Variants in ADAMTS18 observed in about 807,000 individuals in gnomAD.
ADAMTS18 encodes the protein ADAM metallopeptidase with thrombospondin type 1 motif 18.
Under a neutral mutation model 165.9 loss-of-function variants are expected in ADAMTS18, and 157 were observed. The ratio of observed to expected loss-of-function variants is 0.95; its 90% CI spans 0.83 to 1.08. ADAMTS18 has a LOEUF of 1.08. Among genes scored for constraint, ADAMTS18 ranks in the 50% least tolerant of loss-of-function variants. The pLI is 0.00. For missense variants in ADAMTS18, 2,040 were observed against 1,534.0 expected (o/e 1.33, Z -5.51); for synonymous variants, 782 against 578.2 (o/e 1.35, Z -5.06).
intron 9 of ADAMTS18, among the ~76,000 whole-genome samples, chr16:77,355,355 T>A (rs1328472999): frequency 4.6e-5 from 7 of 152,198 alleles, no homozygotes; most frequent in African/African-American, 1.7e-4. Flanking sequence ...GCTACCATCT[T>A]CTTTGGCTAT....
intron 12 of ADAMTS18, among the ~76,000 whole-genome samples, chr16:77,328,483 C>G (rs1216834769): frequency 6.6e-6 from 1 of 152,128 alleles, no homozygotes; most frequent in Non-Finnish European, 1.5e-5. Flanking sequence ...AAAATGGATT[C>G]AACAGAAACG....
At position 77,355,900 on chromosome 16, in the gene ADAMTS18, C is replaced by T. The variant is rs766086387; in HGVS notation, c.1460+40G>A. 1.9e-6 allele frequency: 3 copies of T among 1,613,376 alleles called. No homozygotes were observed. The East Asian group carries it at 6.7e-5, about 36-fold the overall frequency. On this transcript the variant is annotated intron_variant, in intron 9 of 22. Transcript: ENST00000282849. ...TCTATGGAGCACAATTCTGTCATCACTCCAAACCTAGGAGCACCCCAGGAT... is the reference window on the plus strand; with the variant it reads ...TCTATGGAGCACAATTCTGTCATCATTCCAAACCTAGGAGCACCCCAGGAT...
chr16:77,365,014 G>A (rs1454832092), intron 4 of ADAMTS18, among the ~76,000 whole-genome samples: 1 of 152,100 alleles, frequency 6.6e-6, no homozygotes, highest in Non-Finnish European at 1.5e-5. Context: ...GCTGAGGCAG[G>A]CGGATCACTT....
intron 22 of ADAMTS18, among the ~76,000 whole-genome samples, chr16:77,286,025 T>G (rs2055243948): frequency 6.6e-6 from 1 of 152,204 alleles, no homozygotes; most frequent in African/African-American, 2.4e-5. Flanking sequence ...GTACTCAGCG[T>G]TAAATCTGAA....
In ADAMTS18 at chr16:77,358,510, C is replaced by G. The variant is rs187180912; in HGVS notation, c.1322+808G>C. Among the ~76,000 whole-genome samples the G allele has an allele frequency of 6.2e-3, 947 of 152,080 alleles. 3 individuals carry two copies. Among genetic ancestry groups the G allele is most frequent in the Middle Eastern group, 0.01 (3 of 292 alleles). ...CCGGGAGGCGGAGGTTGCAGCGAGC[C>G]GAGATCGTGCCACTGCACTCCAGCC... On this transcript the variant is annotated intron_variant, in intron 8 of 22. Transcript: ENST00000282849.
chr16:77,415,384 T>A (rs1186557169), intron 3 of ADAMTS18, among the ~76,000 whole-genome samples: 1 of 152,168 alleles, frequency 6.6e-6, no homozygotes, highest in Non-Finnish European at 1.5e-5. Context: ...ATGCATAAGA[T>A]ACCCACAGTA....
intron 16 of ADAMTS18, among the ~76,000 whole-genome samples, chr16:77,312,474 G>C (rs951062855): frequency 5.9e-5 from 9 of 152,134 alleles, no homozygotes; most frequent in Admixed American, 4.6e-4. Flanking sequence ...CTGACCTCAG[G>C]TGATCTACCC....
At chr16:77,317,716 A>G (rs989982369) in intron 16 of ADAMTS18, among the ~76,000 whole-genome samples, 1 of 152,202 alleles carries the variant, frequency 6.6e-6, no homozygotes, top group Non-Finnish European at 1.5e-5. Context: ...ACAGAACACA[A>G]ACTCCCACAC....
At chr16:77,389,564 G>A (rs1422393776) in intron 3 of ADAMTS18, among the ~76,000 whole-genome samples, 1 of 152,126 alleles carries the variant, frequency 6.6e-6, no homozygotes, top group African/African-American at 2.4e-5. Flanking sequence ...AAGCCCTCAG[G>A]GTAGTCAGTT....
In ADAMTS18 at chr16:77,293,179, C is replaced by T. The variant is rs781753083; in HGVS notation, c.3086G>A (p.Ser1029Asn). ...KGSAAETLPE[S>N]QCTSLPRPEL... The stretch of plus-strand genomic sequence containing the variant: ...AGGTCTGGGGAGACTGGTACACTGG[C>T]TCTCGGGGAGGGTTTCTGCGGCAGA... The change falls in exon 20 of 23, where the codon AGC becomes AAC. Residue 1029 changes from serine to asparagine, a missense_variant. Ser to Asn is a conservative substitution (Grantham distance 46). Coordinates refer to ENST00000282849, the MANE Select transcript of ADAMTS18 (RefSeq NM_199355.4). 1 of 1,614,044 alleles carries T rather than the reference C, an allele frequency of 6.2e-7. No individual in the cohort carries two copies. The highest frequency in any genetic ancestry group is 8.5e-7 in the Non-Finnish European group (1 of 1,179,984).
Position 77,359,373 on chromosome 16 carries a change from T to C in ADAMTS18, c.1267A>G (p.Asn423Asp). 1 of 1,614,126 alleles carries C rather than the reference T, an allele frequency of 6.2e-7. No homozygotes were observed. Among genetic ancestry groups the C allele is most frequent in the Non-Finnish European group, 8.5e-7 (1 of 1,180,016 alleles). ...GCAAGGCCAAGTCCTGTGTCCTCAT[T>C]GATGGTACAACTTCGGTACTTAGAG... Reference protein sequence around the residue: ...MCSKYRSCTINEDTGLGLAFT... With the variant: ...MCSKYRSCTIDEDTGLGLAFT... The change falls in exon 8 of 23, where the codon AAT becomes GAT. Residue 423 changes from asparagine to aspartate, a missense_variant. Transcript: ENST00000282849.
At chr16:77,297,678 A>T (rs2055500527) in intron 17 of ADAMTS18, among the ~76,000 whole-genome samples, 2 of 152,094 alleles carry the variant, frequency 1.3e-5, no homozygotes, top group Non-Finnish European at 2.9e-5. Flanking sequence ...AGAACCATAA[A>T]TTGATAAATA....
chr16:77,344,896 G>A (rs1324232137), intron 10 of ADAMTS18, among the ~76,000 whole-genome samples: 1 of 152,110 alleles, frequency 6.6e-6, no homozygotes, highest in Admixed American at 6.6e-5. Context: ...CCCTTTCAAA[G>A]GAAACGCAAA....
intron 16 of ADAMTS18, among the ~76,000 whole-genome samples, chr16:77,308,294 T>C (rs74798875): frequency 3.9e-5 from 6 of 152,330 alleles, no homozygotes; most frequent in Non-Finnish European, 7.4e-5. Flanking sequence ...TCATACTGAA[T>C]CACTTTGTTT....
intron 3 of ADAMTS18, among the ~76,000 whole-genome samples, chr16:77,410,476 G>C (rs12932111): frequency 0.12 from 17,947 of 152,082 alleles, 1,336 homozygotes; most frequent in East Asian, 0.2. Context: ...TTTTTATCAA[G>C]CACTCCAAAT....
chr16:77,415,758 G>C (rs950808100), intron 3 of ADAMTS18, among the ~76,000 whole-genome samples: 1 of 149,326 alleles, frequency 6.7e-6, no homozygotes, highest in Non-Finnish European at 1.5e-5. Context: ...GGTGGCCACT[G>C]TCATTTTTGA....
chr16:77,341,764 G>T lies in ADAMTS18; in HGVS notation c.1650C>A (p.Gly550=), dbSNP rs762097667. 1 of 1,613,526 alleles carries T rather than the reference G, an allele frequency of 6.2e-7. No homozygotes were observed. Among genetic ancestry groups the T allele is most frequent in the Admixed American group, 1.7e-5 (1 of 59,978 alleles). Reference sequence around the variant, plus strand: ...GCATAAACTTGGTCTCACACCTGTGGCCTACTCGGTGGCACCAAAGTGATT... The same window carrying T: ...GCATAAACTTGGTCTCACACCTGTGTCCTACTCGGTGGCACCAAAGTGATT... ...ICKSLWCHRV[G]HRCETKFMPA... is the part of the protein sequence containing the mutation. Residue 550 remains glycine (G), a synonymous_variant, in exon 11 of 23, where the codon GGC becomes GGA. Coordinates refer to ENST00000282849, the MANE Select transcript of ADAMTS18 (RefSeq NM_199355.4).
intron 4 of ADAMTS18, among the ~76,000 whole-genome samples, chr16:77,366,278 G>C (rs1235761367): frequency 6.6e-6 from 1 of 152,176 alleles, no homozygotes; most frequent in East Asian, 1.9e-4. Flanking sequence ...AAATCTTTTG[G>C]CTGGGCGCAG....
chr16:77,313,383 T>A (rs746679089), intron 16 of ADAMTS18, among the ~76,000 whole-genome samples: 1 of 151,944 alleles, frequency 6.6e-6, no homozygotes, highest in East Asian at 1.9e-4. Context: ...ACATGGCACA[T>A]GTATACATAT....
Sources: allele counts gnomAD v4.1 joint callset (sites outside exome capture counted in the v4.1 genomes callset), GRCh38; gene constraint gnomAD v4.1.1; transcripts MANE v1.5; gene names NCBI Gene and HGNC (gene_info 2026-07-23, HGNC 2026-07-21).